KCNMB2: variants seen among roughly 807,000 people sequenced by gnomAD.
The protein encoded by KCNMB2 is calcium-activated potassium channel subunit beta-2.
KCNMB2 carries 9 observed loss-of-function variants against 24.5 expected under a neutral mutation model. The observed-to-expected ratio is 0.37, with a 90% CI of 0.22 to 0.64. The LOEUF (loss-of-function observed/expected upper bound fraction) is 0.64. Ranked by LOEUF, KCNMB2 falls within the 30% of genes least tolerant of loss-of-function variation. The pLI, the probability that KCNMB2 is intolerant of heterozygous loss-of-function variation, is 0.63. For synonymous variants in KCNMB2, 109 were observed against 104.4 expected, an observed-to-expected ratio of 1.04 and a Z score of -0.27; for missense variants, 226 against 284.3, an observed-to-expected ratio of 0.79 and a Z score of 1.47.
chr3:178,645,053 T>C lies in KCNMB2; in HGVS notation c.-68+108342T>C, dbSNP rs35450638. ...CTTGTTTAAGATCCAAGATTTTTTT[T>C]TTTTTTTTTTTTTTTGAGATGAGTT... On this transcript the variant is annotated intron_variant, in intron 1 of 4. Transcript: ENST00000452583. 3.8e-3 allele frequency among the ~76,000 whole-genome samples: 560 copies of C among 148,710 alleles called. 5 individuals are homozygous for C. Among genetic ancestry groups the C allele is most frequent in the Middle Eastern group, 0.017 (5 of 290 alleles).
intron 1 of KCNMB2, among the ~76,000 whole-genome samples, chr3:178,699,532 G>A (rs1468336943): frequency 6.6e-6 from 1 of 152,160 alleles, no homozygotes; most frequent in Admixed American, 6.5e-5. Flanking sequence ...GGTAAGGTCT[G>A]CCAGTACAGA....
chr3:178,584,953 G>A (rs1244484428), intron 1 of KCNMB2, among the ~76,000 whole-genome samples: 2 of 152,152 alleles, frequency 1.3e-5, no homozygotes, highest in Non-Finnish European at 2.9e-5. Flanking sequence ...TTTACATATT[G>A]TGTTTGTGTG....
At chr3:178,710,453 A>T (rs759543404) in intron 1 of KCNMB2, among the ~76,000 whole-genome samples, 1 of 152,182 alleles carries the variant, frequency 6.6e-6, no homozygotes, top group Non-Finnish European at 1.5e-5. Flanking sequence ...CAGGTGCCTT[A>T]TTCCAAGCCT....
chr3:178,559,435 G>A (rs890102341), intron 1 of KCNMB2, among the ~76,000 whole-genome samples: 1 of 151,354 alleles, frequency 6.6e-6, no homozygotes, highest in African/African-American at 2.4e-5. Flanking sequence ...TCTTGTATTT[G>A]AACAATTTTT....
rs1714805131 is a variant in KCNMB2, at chr3:178,825,680, T to C, written c.149T>C (p.Leu50Pro). 6.2e-7 allele frequency: 1 copy of C among 1,613,924 alleles called. No individual in the cohort carries two copies. The highest frequency in any genetic ancestry group is 1.1e-5 in the South Asian group (1 of 91,084). The change falls in exon 3 of 5, where the codon CTG becomes CCG. Residue 50 changes from leucine to proline, a missense_variant. Physicochemically the swap from Leu to Pro is moderately conservative, Grantham distance 98 (BLOSUM62 -3). Transcript: ENST00000452583. ...GCAGGAGAGGACCGAGCTATTCTCC[T>C]GGGACTGGCTATGATGGTGTGCTCC... is the stretch of plus-strand genomic sequence containing the variant. ...LKAGEDRAIL[L>P]GLAMMVCSIM...
intron 1 of KCNMB2, among the ~76,000 whole-genome samples, chr3:178,552,576 T>C (rs1715993220): frequency 6.6e-6 from 1 of 152,220 alleles, no homozygotes; most frequent in South Asian, 2.1e-4. Context: ...ATTAATATGA[T>C]GCATGGGGCT....
intron 1 of KCNMB2, among the ~76,000 whole-genome samples, chr3:178,667,041 T>C (rs1288714131): frequency 1.3e-5 from 2 of 152,194 alleles, no homozygotes; most frequent in Non-Finnish European, 2.9e-5. Flanking sequence ...TGGTTTTTCA[T>C]TGTATTCTTT....
chr3:178,582,882 C>T (rs1490960369), intron 1 of KCNMB2, among the ~76,000 whole-genome samples: 2 of 152,118 alleles, frequency 1.3e-5, no homozygotes, highest in Non-Finnish European at 2.9e-5. Flanking sequence ...CTATTTTTAC[C>T]ACTGAACTAT....
chr3:178,746,867 C>G (rs1263222004), intron 1 of KCNMB2: 1 of 152,388 alleles, frequency 6.6e-6, no homozygotes, highest in Non-Finnish European at 1.5e-5. Context: ...CAGCCTGGAC[C>G]TTATTGTTCA....
chr3:178,656,109 C>A (rs1720333825), intron 1 of KCNMB2, among the ~76,000 whole-genome samples: 1 of 152,146 alleles, frequency 6.6e-6, no homozygotes, highest in South Asian at 2.1e-4. Flanking sequence ...AGAAAACAGG[C>A]TTACCTATCA....
chr3:178,670,459 A>C (rs966782807), intron 1 of KCNMB2, among the ~76,000 whole-genome samples: 1 of 152,188 alleles, frequency 6.6e-6, no homozygotes, highest in African/African-American at 2.4e-5. Flanking sequence ...AGTAATTAAC[A>C]CTTCTAGTGT....
At chr3:178,625,938 G>T (rs577732741) in intron 1 of KCNMB2, among the ~76,000 whole-genome samples, 1 of 152,174 alleles carries the variant, frequency 6.6e-6, no homozygotes, top group Non-Finnish European at 1.5e-5. Flanking sequence ...ATTAGTGAGA[G>T]ACATTCCCCT....
chr3:178,578,945 G>A (rs7626196), intron 1 of KCNMB2, among the ~76,000 whole-genome samples: 4,227 of 152,102 alleles, frequency 0.028, 181 homozygotes, highest in African/African-American at 0.092. Flanking sequence ...ACACCCCACC[G>A]TCAATATTAG....
intron 1 of KCNMB2, among the ~76,000 whole-genome samples, chr3:178,759,646 T>C (rs141995979): frequency 0.078 from 8,490 of 108,846 alleles, 1,210 homozygotes; most frequent in Non-Finnish European, 0.11. Flanking sequence ...GATATATATA[T>C]ATATATCTCC....
At chr3:178,776,390 G>C (rs1712580629) in intron 1 of KCNMB2, among the ~76,000 whole-genome samples, 1 of 151,944 alleles carries the variant, frequency 6.6e-6, no homozygotes, top group East Asian at 1.9e-4. Context: ...CCCTACCCTT[G>C]GTTGGAGTAT....
intron 1 of KCNMB2, among the ~76,000 whole-genome samples, chr3:178,587,067 T>C (rs967729365): frequency 2.6e-5 from 4 of 152,186 alleles, no homozygotes; most frequent in Non-Finnish European, 5.9e-5. Flanking sequence ...CCTTTACTGA[T>C]TCAAAATGGC....
At chr3:178,761,473 T>G (rs567860935) in intron 1 of KCNMB2, among the ~76,000 whole-genome samples, 1 of 152,342 alleles carries the variant, frequency 6.6e-6, no homozygotes, top group South Asian at 2.1e-4. Context: ...CACATCCTAT[T>G]AGTCCTAGTT....
At chr3:178,826,642 A>C (rs1261784818) in intron 3 of KCNMB2, among the ~76,000 whole-genome samples, 2 of 152,242 alleles carry the variant, frequency 1.3e-5, no homozygotes, top group African/African-American at 4.8e-5. Context: ...AGTTCAGCTT[A>C]AAGAAACAAG....
chr3:178,607,119 G>A (rs1193915044), intron 1 of KCNMB2, among the ~76,000 whole-genome samples: 1 of 152,164 alleles, frequency 6.6e-6, no homozygotes, highest in Non-Finnish European at 1.5e-5. Flanking sequence ...GATTTAGGAC[G>A]AGTGTTATTT....
Sources: allele counts gnomAD v4.1 joint callset (sites outside exome capture counted in the v4.1 genomes callset), GRCh38; gene constraint gnomAD v4.1.1; transcripts MANE v1.5; gene names NCBI Gene and HGNC (gene_info 2026-07-23, HGNC 2026-07-21).